GNPTAB: variants seen among roughly 807,000 people sequenced by gnomAD.
GNPTAB encodes N-acetylglucosamine-1-phosphotransferase subunits alpha/beta.
A neutral mutation model predicts 136.6 loss-of-function variants in GNPTAB; 92 were observed. The observed-to-expected ratio is 0.67, with a 90% CI of 0.57 to 0.80. GNPTAB has a LOEUF of 0.80. Ranked by LOEUF, GNPTAB falls within the 30% of genes least tolerant of loss-of-function variation. The pLI, the probability that GNPTAB is intolerant of heterozygous loss-of-function variation, is 0.00. For synonymous variants in GNPTAB, 512 were observed against 535.1 expected, an observed-to-expected ratio of 0.96 and a Z score of 0.60; for missense variants, 1,343 against 1,501.8, an observed-to-expected ratio of 0.89 and a Z score of 1.75.
At chr12:101,781,018 A>C (rs1953334654) in intron 5 of GNPTAB, among the ~76,000 whole-genome samples, 1 of 152,212 alleles carries the variant, frequency 6.6e-6, no homozygotes, top group African/African-American at 2.4e-5. Context: ...GGGTAACCAA[A>C]GGGGCCCTTG....
chr12:101,818,117 T>C (rs952605470), intron 1 of GNPTAB, among the ~76,000 whole-genome samples: 2 of 152,168 alleles, frequency 1.3e-5, no homozygotes, highest in African/African-American at 4.8e-5. Flanking sequence ...CTTTTGTTCT[T>C]AGAAGTTAAT....
Position 101,769,953 on chromosome 12 carries a change from G to A in GNPTAB, c.1284+68C>T, listed in dbSNP as rs541993381. 5.1e-6 allele frequency: 7 copies of A among 1,384,016 alleles called. No homozygotes were observed. In the Admixed American group the frequency reaches 6.7e-5, roughly 13 times the overall value. The allele number at this position is 1,384,016 out of a possible 1,614,324, so 85.7% of individuals were successfully genotyped here. ...GCCTGATATTTGACTACAGTAGTATGTGCACTCATTTTCTGATTTGCTAAG... is the reference window on the plus strand; with the variant it reads ...GCCTGATATTTGACTACAGTAGTATATGCACTCATTTTCTGATTTGCTAAG... On this transcript the variant is annotated intron_variant, in intron 10 of 20. Coordinates refer to ENST00000299314, the MANE Select transcript of GNPTAB (RefSeq NM_024312.5).
At chr12:101,780,667 C>A in intron 5 of GNPTAB, 46 bp from the exon 6 acceptor site, 1 of 1,176,582 alleles carries the variant, frequency 8.5e-7, no homozygotes, top group South Asian at 1.2e-5. Context: ...AATGAATACT[C>A]AACTATGGTG....
chr12:101,753,919 G>A lies in GNPTAB; in HGVS notation c.3435-380C>T, dbSNP rs979504607. ...AATCCCAGCACTTTGGGAGGCAGAGGTGGGCAGATCACCTGAGGTCAGGAG... is the reference window on the plus strand; with the variant it reads ...AATCCCAGCACTTTGGGAGGCAGAGATGGGCAGATCACCTGAGGTCAGGAG... On this transcript the variant is annotated intron_variant, in intron 18 of 20. Coordinates refer to ENST00000299314, the MANE Select transcript of GNPTAB (RefSeq NM_024312.5). 8.5e-5 allele frequency among the ~76,000 whole-genome samples: 13 copies of A among 152,254 alleles called. No homozygotes were observed. The East Asian group carries it at 2.5e-3, about 29-fold the overall frequency.
intron 16 of GNPTAB, 123 bp downstream of exon 16, chr12:101,759,907 A>C: frequency 1.4e-6 from 1 of 723,642 alleles, no homozygotes; most frequent in Non-Finnish European, 2.6e-6. Flanking sequence ...ACTGTTTTGC[A>C]ACAAAGACAT....
intron 19 of GNPTAB, among the ~76,000 whole-genome samples, chr12:101,749,590 G>A (rs529524600): frequency 1.5e-4 from 23 of 152,324 alleles, no homozygotes; most frequent in Admixed American, 8.5e-4. Context: ...AAACTGAGGC[G>A]TTGCTGACAT....
At chr12:101,826,596 T>C (rs1871094439) in intron 1 of GNPTAB, among the ~76,000 whole-genome samples, 1 of 152,104 alleles carries the variant, frequency 6.6e-6, no homozygotes, top group Non-Finnish European at 1.5e-5. Flanking sequence ...CTGTACTTAT[T>C]TGGTGGCAAA....
chr12:101,804,961 A>T (rs1869856077), intron 1 of GNPTAB, among the ~76,000 whole-genome samples: 1 of 152,254 alleles, frequency 6.6e-6, no homozygotes, highest in Non-Finnish European at 1.5e-5. Flanking sequence ...ACAAAGTACT[A>T]TAGGATGTAT....
intron 5 of GNPTAB, among the ~76,000 whole-genome samples, chr12:101,782,969 T>C (rs888650518): frequency 2.0e-5 from 3 of 152,118 alleles, no homozygotes; most frequent in East Asian, 3.9e-4. Context: ...GAGTGAGCAA[T>C]GTCCCTACCA....
chr12:101,824,974 C>T (rs959691286), intron 1 of GNPTAB, among the ~76,000 whole-genome samples: 1 of 152,124 alleles, frequency 6.6e-6, no homozygotes, highest in Non-Finnish European at 1.5e-5. Context: ...ATAATCTTTC[C>T]TTGTCTCTCT....
At position 101,788,537 on chromosome 12, in the gene GNPTAB, A is replaced by C; in HGVS notation, c.365+11T>G. On this transcript the variant is annotated intron_variant, in intron 4 of 20. Transcript: ENST00000299314. ...CACTTTTTACTCTTGAGAGGAAATC[A>C]AAATGCTTACCTCTTCTTAGTAGGT... 2 of 1,513,600 alleles carry C rather than the reference A, an allele frequency of 1.3e-6. No homozygotes were observed. Among genetic ancestry groups the C allele is most frequent in the African/African-American group, 2.7e-5 (2 of 73,140 alleles). The allele number at this position is 1,513,600 out of a possible 1,614,324, so 93.8% of individuals were successfully genotyped here.
At position 101,764,536 on chromosome 12, in the gene GNPTAB, C is replaced by T. The variant is rs1566073760; in HGVS notation, c.2381G>A (p.Ser794Asn). 1.7e-5 allele frequency: 27 copies of T among 1,613,406 alleles called. No homozygotes were observed. The highest frequency in any genetic ancestry group is 2.2e-5 in the Non-Finnish European group (26 of 1,179,788). ...CTGGTCATGACCATTCACTTTTACACTCACTGCAGGAAAAGTCAACCTCTG... is the reference window on the plus strand; with the variant it reads ...CTGGTCATGACCATTCACTTTTACATTCACTGCAGGAAAAGTCAACCTCTG... ...RLQRLTFPAVSVKVNGHDQGQ... is the reference protein window; with the variant it reads ...RLQRLTFPAVNVKVNGHDQGQ... Residue 794 changes from serine to asparagine, a missense_variant, in exon 13 of 21, where the codon AGT becomes AAT. Ser to Asn is a conservative substitution (Grantham distance 46). Coordinates refer to ENST00000299314, the MANE Select transcript of GNPTAB (RefSeq NM_024312.5).
intron 18 of GNPTAB, chr12:101,756,637 C>CTTTAGTTGATGAA (rs1266189381): frequency 5.4e-6 from 1 of 183,710 alleles, no homozygotes; most frequent in Non-Finnish European, 1.2e-5. Flanking sequence ...ACATCTACTT[C>CTTTAGTTGATGAA]CCACTAAAGT....
intron 1 of GNPTAB, among the ~76,000 whole-genome samples, chr12:101,809,416 C>T (rs1350647465): frequency 6.6e-6 from 1 of 152,180 alleles, no homozygotes; most frequent in East Asian, 1.9e-4. Context: ...CACAGTCATG[C>T]TCCTAAGTAT....
At chr12:101,799,392 T>C (rs1196553599) in intron 1 of GNPTAB, among the ~76,000 whole-genome samples, 1 of 152,180 alleles carries the variant, frequency 6.6e-6, no homozygotes, top group Non-Finnish European at 1.5e-5. Context: ...AAGAAAATCA[T>C]CGATGAGAAA....
At chr12:101,794,772 A>G (rs536720664) in intron 2 of GNPTAB, among the ~76,000 whole-genome samples, 2 of 152,248 alleles carry the variant, frequency 1.3e-5, no homozygotes, top group African/African-American at 2.4e-5. Context: ...TTTTCTTTCT[A>G]AAAGTTTAAA....
At chr12:101,814,078 CA>C (rs34425945) in intron 1 of GNPTAB, among the ~76,000 whole-genome samples, 2,151 of 134,900 alleles carry the variant, frequency 0.016, 56 homozygotes, top group African/African-American at 0.05. Flanking sequence ...GACTCCATCT[CA>C]AAAAAAAAAA....
chr12:101,764,834 T>C lies in GNPTAB; in HGVS notation c.2083A>G (p.Ile695Val). The change falls in exon 13 of 21, where the codon ATT becomes GTT. Residue 695 changes from isoleucine to valine, a missense_variant. Ile to Val is a conservative substitution (Grantham distance 29). Coordinates refer to ENST00000299314, the MANE Select transcript of GNPTAB (RefSeq NM_024312.5). ...STRRAQEEVK[I>V]PLVNISLLPK... ...AGGAGTGAAATATTTACCAGGGGAA[T>C]TTTCACCTCTTCCTGGGCTCTCCTT... 6.2e-7 allele frequency: 1 copy of C among 1,614,168 alleles called. No individual in the cohort carries two copies. Among genetic ancestry groups the C allele is most frequent in the East Asian group, 2.2e-5 (1 of 44,882 alleles).
chr12:101,782,319 G>A (rs1244610876), intron 5 of GNPTAB, among the ~76,000 whole-genome samples: 1 of 151,922 alleles, frequency 6.6e-6, no homozygotes, highest in Non-Finnish European at 1.5e-5. Context: ...TTTTTAAAAA[G>A]ATAAGTTTTA....
Sources: gnomAD v4.1 joint callset for allele counts (sites outside exome capture counted in the v4.1 genomes callset) on GRCh38, gnomAD v4.1.1 for gene constraint, MANE v1.5 for transcripts, NCBI Gene and HGNC (gene_info 2026-07-23, HGNC 2026-07-21) for gene names.